The following ALDH3B1 variants were observed in gnomAD, a reference collection of about 807,000 sequenced individuals.
The protein encoded by ALDH3B1 is aldehyde dehydrogenase 3 family member B1.
ALDH3B1 carries 37 observed loss-of-function variants against 46.2 expected under a neutral mutation model. That is an observed-to-expected ratio of 0.80 (90% CI 0.62 to 1.05). The LOEUF (loss-of-function observed/expected upper bound fraction) is 1.05. ALDH3B1 is among the 50% of genes least tolerant of loss of function. The pLI, the probability that ALDH3B1 is intolerant of heterozygous loss-of-function variation, is 0.00. For synonymous variants in ALDH3B1, 283 were observed against 281.0 expected (o/e 1.01, Z -0.07); for missense variants, 603 against 665.5 (o/e 0.91, Z 1.03).
chr11:68,026,536 C>T (rs1448535635), intron 9 of ALDH3B1, among the ~76,000 whole-genome samples: 1 of 151,792 alleles, frequency 6.6e-6, no homozygotes, highest in African/African-American at 2.4e-5. Context: ...GCTCTCAGTA[C>T]AACACCTCCC....
At chr11:68,020,227 CT>C (rs1235731007) in intron 6 of ALDH3B1, among the ~76,000 whole-genome samples, 7 of 151,472 alleles carry the variant, frequency 4.6e-5, no homozygotes, top group African/African-American at 9.7e-5. Context: ...CCAGAGGTCA[CT>C]TTTTTTTTCT....
chr11:68,028,676 TAA>T lies in ALDH3B1; in HGVS notation c.*756_*757del, dbSNP rs10557779. On this transcript the variant is annotated 3_prime_UTR_variant, in exon 10 of 10. Transcript: ENST00000342456. ...TGGGTGACAGAAGGAGGCTCTGCCT[TAA>T]AAAAAAAAAAAAAAAAAACCTCCTG... 22,855 of 128,840 alleles carry T rather than the reference TAA, an allele frequency of 0.18. 2,042 individuals carry two copies. The highest frequency in any genetic ancestry group is 0.2 in the Non-Finnish European group (12,334 of 62,106). The allele number at this position is 128,840 out of a possible 1,614,324, so 8.0% of individuals were successfully genotyped here. A position where few individuals can be genotyped will look rare whatever the true frequency, so the allele number is the denominator to read the frequency against.
Position 68,020,452 on chromosome 11 carries a change from C to T in ALDH3B1, c.562+656C>T, listed in dbSNP as rs190332116. Among the ~76,000 whole-genome samples the T allele has an allele frequency of 7.2e-4, 110 of 152,244 alleles. 2 individuals are homozygous for T. The East Asian group carries it at 0.017, about 23-fold the overall frequency. ...GTCTCACTCTGTTGCTCAGGCTGGT[C>T]TCGAACTCTTGGCCTCAACCAGTCC... is the stretch of plus-strand genomic sequence containing the variant. On this transcript the variant is annotated intron_variant, in intron 6 of 9. Transcript: ENST00000342456.
chr11:68,021,320 C>T (rs1857486776), intron 6 of ALDH3B1, among the ~76,000 whole-genome samples, 165 bp from the exon 7 acceptor site: 1 of 152,148 alleles, frequency 6.6e-6, no homozygotes, highest in Non-Finnish European at 1.5e-5. Flanking sequence ...GAAGGATGAG[C>T]AGGGCCCTGG....
upstream of ALDH3B1, chr11:68,008,606 G>A (rs1451879878): frequency 2.6e-5 from 4 of 152,400 alleles, no homozygotes; most frequent in African/African-American, 9.6e-5. Context: ...GAGGACAGGG[G>A]CTCTGCAGTC....
In ALDH3B1 at chr11:68,022,665, G is replaced by T. The variant is rs368827219; in HGVS notation, c.1020G>T (p.Leu340=). 6.2e-7 allele frequency: 1 copy of T among 1,614,146 alleles called. No homozygotes were observed. Residue 340 remains leucine (L), a synonymous_variant, in exon 8 of 10, where the codon CTG becomes CTT. Transcript: ENST00000342456. ...VMQEEIFGPI[L]PIVNVQSLDE... ...AGGAGGAGATCTTCGGGCCCATCCT[G>T]CCCATCGTGAACGTGCAGAGCTTGG...
chr11:68,009,825 C>G (rs1481485120), upstream of ALDH3B1, among the ~76,000 whole-genome samples: 1 of 152,002 alleles, frequency 6.6e-6, no homozygotes, highest in South Asian at 2.1e-4. Flanking sequence ...GTCTTGTAAA[C>G]CAGGCAAGGT....
Position 68,028,685 on chromosome 11 carries a change from A to T in ALDH3B1, c.*746A>T, listed in dbSNP as rs910506811. On this transcript the variant is annotated 3_prime_UTR_variant, in exon 10 of 10. Transcript: ENST00000342456. ...GAAGGAGGCTCTGCCTTAAAAAAAA[A>T]AAAAAAAAAAACCTCCTGGGACTGT... 3.3e-5 allele frequency: 5 copies of T among 152,200 alleles called. No homozygotes were observed. Among genetic ancestry groups the T allele is most frequent in the African/African-American group, 9.7e-5 (4 of 41,320 alleles). 9.4% of individuals were successfully genotyped at this position (152,200 alleles called of 1,614,324 possible).
chr11:68,021,244 C>T (rs895617205), intron 6 of ALDH3B1, among the ~76,000 whole-genome samples: 1 of 152,236 alleles, frequency 6.6e-6, no homozygotes, highest in Middle Eastern at 3.4e-3. Flanking sequence ...CAGGGGGACC[C>T]TGGGGGCCGA....
At position 68,018,535 on chromosome 11, in the gene ALDH3B1, C is replaced by G. The variant is rs188211650; in HGVS notation, c.171C>G (p.Phe57Leu). ...ALAQDLHKSAFESEVSEVAIS... is the reference protein window; with the variant it reads ...ALAQDLHKSALESEVSEVAIS... ...CCACCCACTTCCTGCAGTCAGCCTTCGAGTCGGAGGTGTCTGAGGTTGCCA... is the reference window on the plus strand; with the variant it reads ...CCACCCACTTCCTGCAGTCAGCCTTGGAGTCGGAGGTGTCTGAGGTTGCCA... The change falls in exon 3 of 10, where the codon TTC (phenylalanine) becomes TTG (leucine). Residue 57 changes from phenylalanine (F) to leucine (L), a missense_variant. Coordinates refer to ENST00000342456, the MANE Select transcript of ALDH3B1 (RefSeq NM_000694.4). 2.6e-6 allele frequency: 4 copies of G among 1,567,198 alleles called. No homozygotes were observed. In the African/African-American group the frequency reaches 4.1e-5, roughly 16 times the overall value.
At chr11:68,012,335 C>T (rs1857250590) in intron 1 of ALDH3B1, among the ~76,000 whole-genome samples, 2 of 152,216 alleles carry the variant, frequency 1.3e-5, no homozygotes, top group Non-Finnish European at 2.9e-5. Context: ...ACATGGGCAC[C>T]TGAGTATTGT....
At chr11:68,009,149 A>T (rs899251876), upstream of ALDH3B1, among the ~76,000 whole-genome samples, 9 of 152,022 alleles carry the variant, frequency 5.9e-5, no homozygotes, top group Non-Finnish European at 1.2e-4. Flanking sequence ...TGCCACACAC[A>T]CGCCCCATGT....
chr11:68,023,303 C>CA (rs1209385922), intron 8 of ALDH3B1, among the ~76,000 whole-genome samples: 3 of 119,006 alleles, frequency 2.5e-5, no homozygotes, highest in Non-Finnish European at 5.1e-5. Flanking sequence ...TCCACTTGAA[C>CA]TTTTTTTTTT....
chr11:68,013,986 T>C (rs1430734550), intron 1 of ALDH3B1, among the ~76,000 whole-genome samples: 1 of 152,218 alleles, frequency 6.6e-6, no homozygotes, highest in Non-Finnish European at 1.5e-5. Context: ...AGCAGGGCCA[T>C]CCTGCAGACC....
chr11:68,022,783 G>A (rs1483677623), intron 8 of ALDH3B1, 22 bp downstream of exon 8: 1 of 1,613,056 alleles, frequency 6.2e-7, no homozygotes, highest in South Asian at 1.1e-5. Flanking sequence ...GCCGGGCTGG[G>A]CAGGGTCAGG....
intron 2 of ALDH3B1, 181 bp downstream of exon 2, chr11:68,015,640 C>T: frequency 1.2e-6 from 1 of 824,772 alleles, no homozygotes; most frequent in South Asian, 1.5e-5. Context: ...ATTCATGCAG[C>T]AACTATTTGC....
intron 1 of ALDH3B1, among the ~76,000 whole-genome samples, chr11:68,014,264 A>G (rs918557924): frequency 6.6e-6 from 1 of 152,096 alleles, no homozygotes; most frequent in Non-Finnish European, 1.5e-5. Flanking sequence ...CATTTATCAC[A>G]TGGCACAACT....
chr11:68,023,942 G>C lies in ALDH3B1; in HGVS notation c.1116+1181G>C, dbSNP rs185907833. 1.0e-3 allele frequency among the ~76,000 whole-genome samples: 156 copies of C among 151,344 alleles called. 1 individual carries two copies. Among genetic ancestry groups the C allele is most frequent in the Non-Finnish European group, 1.5e-3 (104 of 67,904 alleles). On this transcript the variant is annotated intron_variant, in intron 8 of 9. Coordinates refer to ENST00000342456, the MANE Select transcript of ALDH3B1 (RefSeq NM_000694.4). ...CACCTGTAATGCCAGCTGCTCGGGA[G>C]GCTGAGGTGGAAGGATCTCCTGACC...
chr11:68,020,949 A>G (rs1448566650), intron 6 of ALDH3B1, among the ~76,000 whole-genome samples: 2 of 152,198 alleles, frequency 1.3e-5, no homozygotes, highest in Non-Finnish European at 2.9e-5. Flanking sequence ...GGTGAGGCCA[A>G]GCCAGGCAGG....
Sources: allele counts gnomAD v4.1 joint callset (sites outside exome capture counted in the v4.1 genomes callset), GRCh38; gene constraint gnomAD v4.1.1; transcripts MANE v1.5; gene names NCBI Gene and HGNC (gene_info 2026-07-23, HGNC 2026-07-21).